Variants in USP30 observed in about 807,000 individuals in gnomAD.
USP30 encodes ubiquitin specific peptidase 30, also known as ubiquitin carboxyl-terminal hydrolase 30.
Under a neutral mutation model 68.2 loss-of-function variants are expected in USP30, and 41 were observed. That is an observed-to-expected ratio of 0.60 (90% confidence interval 0.47 to 0.78). The LOEUF is 0.78. Ranked by LOEUF, USP30 falls within the 30% of genes least tolerant of loss-of-function variation. The pLI, the probability that USP30 is intolerant of heterozygous loss-of-function variation, is 0.00. For synonymous variants in USP30, 229 were observed against 253.7 expected, an observed-to-expected ratio of 0.90 and a Z score of 0.93; for missense variants, 522 against 649.4, an observed-to-expected ratio of 0.80 and a Z score of 2.13.
intron 2 of USP30, among the ~76,000 whole-genome samples, chr12:109,026,580 C>G (rs1202786400): frequency 1.3e-5 from 2 of 151,888 alleles, no homozygotes; most frequent in Non-Finnish European, 2.9e-5. Context: ...CCACCTCAGC[C>G]TCCTGAGTAG....
rs778789772 is a variant in USP30, at chr12:109,081,396, A to G, written c.780+3A>G. On this transcript the variant is annotated splice_donor_region_variant and intron_variant, in intron 8 of 12. Coordinates refer to ENST00000257548, the MANE Select transcript of USP30 (RefSeq NM_032663.5). ...TAAGTATTCCAGCCGCCACATGGGTATGTACTGATTTATGGTTTATTTGGA... is the reference window on the plus strand; with the variant it reads ...TAAGTATTCCAGCCGCCACATGGGTGTGTACTGATTTATGGTTTATTTGGA... The G allele has an allele frequency of 3.1e-6, 5 of 1,613,920 alleles. No homozygotes were observed. Among genetic ancestry groups the G allele is most frequent in the Admixed American group, 3.3e-5 (2 of 59,972 alleles).
At position 109,059,671 on chromosome 12, in the gene USP30, G is replaced by A. The variant is rs536719463; in HGVS notation, c.376+1563G>A. ...TGGGATTACAGCTGCATGCCACCACGCCCGGCTAATGTTTGTATTTTTAGT... is the reference window on the plus strand; with the variant it reads ...TGGGATTACAGCTGCATGCCACCACACCCGGCTAATGTTTGTATTTTTAGT... On this transcript the variant is annotated intron_variant, in intron 3 of 12. Coordinates refer to ENST00000257548, the MANE Select transcript of USP30 (RefSeq NM_032663.5). Among the ~76,000 whole-genome samples, 11 of 152,016 alleles carry A rather than the reference G, an allele frequency of 7.2e-5. No homozygotes were observed. The East Asian group carries it at 7.7e-4, about 11-fold the overall frequency.
rs928220160 is a variant in USP30, at chr12:109,070,367, G to A, written c.481-1245G>A. On this transcript the variant is annotated intron_variant, in intron 4 of 12. Transcript: ENST00000257548. The surrounding 1 kb of genome is among the most constrained non-coding windows in gnomAD (Gnocchi z 4.0). ...GCAGCTTTGGATAATTGGTTGGGGA[G>A]TATGCCCTGTGGAGGAGCTCTTTTG... is the stretch of plus-strand genomic sequence containing the variant. 1.3e-5 allele frequency among the ~76,000 whole-genome samples: 2 copies of A among 152,176 alleles called. No homozygotes were observed. The highest frequency in any genetic ancestry group is 2.9e-5 in the Non-Finnish European group (2 of 68,032).
At chr12:109,043,975 T>C (rs758474046) in intron 3 of USP30, among the ~76,000 whole-genome samples, 12 of 152,138 alleles carry the variant, frequency 7.9e-5, no homozygotes, top group Non-Finnish European at 1.8e-4. Context: ...CCCGTGTCCA[T>C]CAACAAAAGA....
intron 11 of USP30, among the ~76,000 whole-genome samples, chr12:109,084,337 C>T (rs1229874828): frequency 6.6e-6 from 1 of 152,136 alleles, no homozygotes; most frequent in African/African-American, 2.4e-5. Flanking sequence ...TGTTGTCTAC[C>T]CATAAACATG....
Position 109,080,136 on chromosome 12 carries a change from A to T in USP30, c.721-1198A>T, listed in dbSNP as rs74346881. Among the ~76,000 whole-genome samples, 518 of 152,194 alleles carry T rather than the reference A, an allele frequency of 3.4e-3. 2 individuals are homozygous for T. Among genetic ancestry groups the T allele is most frequent in the African/African-American group, 0.012 (491 of 41,518 alleles). ...CCCCCTGTGCACGTGTGGTTCAGGGATCAGCCCTGGAATTGAACAGAGTTT... is the reference window on the plus strand; with the variant it reads ...CCCCCTGTGCACGTGTGGTTCAGGGTTCAGCCCTGGAATTGAACAGAGTTT... On this transcript the variant is annotated intron_variant, in intron 7 of 12. Transcript: ENST00000257548.
Position 109,082,924 on chromosome 12 carries a change from C to T in USP30, c.1030C>T (p.Gln344Ter), listed in dbSNP as rs2041845453. The T allele has an allele frequency of 1.2e-6, 2 of 1,614,262 alleles. No individual in the cohort carries two copies. Among genetic ancestry groups the T allele is most frequent in the Non-Finnish European group, 1.7e-6 (2 of 1,180,046 alleles). Residue 344 changes from glutamine to a stop codon, truncating the protein, a stop_gained, in exon 11 of 13, where the codon CAG (glutamine) becomes TAG (stop). Coordinates refer to ENST00000257548, the MANE Select transcript of USP30 (RefSeq NM_032663.5). LOFTEE classifies it high-confidence loss of function. ...GTPLKRHEHV[Q>*]FNEFLMMDIY... ...GCCTCTGAAGCGGCATGAGCACGTGCAGTTCAATGAGTTCCTGATGATGGA... is the reference window on the plus strand; with the variant it reads ...GCCTCTGAAGCGGCATGAGCACGTGTAGTTCAATGAGTTCCTGATGATGGA...
rs776243810 is a variant in USP30 at position 109,058,040 on chromosome 12, A to T, written c.308A>T (p.Tyr103Phe). 2.5e-6 allele frequency: 4 copies of T among 1,613,808 alleles called. No homozygotes were observed. The highest frequency in any genetic ancestry group is 2.5e-6 in the Non-Finnish European group (3 of 1,179,988). Reference sequence around the variant, plus strand: ...TGGCTGGAAGAGTTCACCTCCCAGTACTCCAGGGATCAGAAGGAGCCCCCC... The same window carrying T: ...TGGCTGGAAGAGTTCACCTCCCAGTTCTCCAGGGATCAGAAGGAGCCCCCC... Reference protein sequence around the residue: ...IRWLEEFTSQYSRDQKEPPSH... With the variant: ...IRWLEEFTSQFSRDQKEPPSH... The change falls in exon 3 of 13, where the codon TAC becomes TTC. Residue 103 changes from tyrosine to phenylalanine, a missense_variant. Tyr to Phe is a conservative substitution (Grantham distance 22, BLOSUM62 3). Coordinates refer to ENST00000257548, the MANE Select transcript of USP30 (RefSeq NM_032663.5).
chr12:109,031,408 G>T (rs1459352038), intron 3 of USP30, among the ~76,000 whole-genome samples: 1 of 152,192 alleles, frequency 6.6e-6, no homozygotes, highest in East Asian at 1.9e-4. Flanking sequence ...GCTGTATGAG[G>T]TATAGCACTT....
chr12:109,048,083 T>C (rs983371137), upstream of USP30, among the ~76,000 whole-genome samples: 11 of 151,110 alleles, frequency 7.3e-5, no homozygotes, highest in Admixed American at 3.3e-4. Flanking sequence ...GCCTACTTTT[T>C]TTTTTTTTTT....
chr12:109,072,671 A>G (rs1173967072), intron 6 of USP30, among the ~76,000 whole-genome samples: 1 of 152,210 alleles, frequency 6.6e-6, no homozygotes, highest in East Asian at 1.9e-4. Context: ...CAGTGCTGCC[A>G]AATTCTATTG....
intron 3 of USP30, among the ~76,000 whole-genome samples, chr12:109,066,552 C>G (rs746852377): frequency 3.3e-5 from 5 of 152,002 alleles, no homozygotes; most frequent in South Asian, 2.1e-4. Context: ...GGCATGGTAG[C>G]GCATGCCTTG....
chr12:109,052,992 TC>T, intron 1 of USP30: 1 of 390,756 alleles, frequency 2.6e-6, no homozygotes, highest in Non-Finnish European at 4.5e-6. Flanking sequence ...TGTCAGTCCC[TC>T]CCCCTCCTGT....
At chr12:109,049,687 T>C (rs1015084167), upstream of USP30, among the ~76,000 whole-genome samples, 2 of 152,030 alleles carry the variant, frequency 1.3e-5, no homozygotes, top group African/African-American at 4.8e-5. Context: ...TGGTGGCGCG[T>C]GCCTGTAATT....
intron 2 of USP30, among the ~76,000 whole-genome samples, chr12:109,026,322 C>T (rs1003748815): frequency 2.0e-5 from 3 of 152,038 alleles, no homozygotes; most frequent in Non-Finnish European, 2.9e-5. Flanking sequence ...GTGATCCACC[C>T]GCCTTGGCCT....
At chr12:109,085,641 C>T (rs1330976159) in intron 12 of USP30, 26 bp from the exon 13 acceptor site, 3 of 1,608,250 alleles carry the variant, frequency 1.9e-6, no homozygotes, top group South Asian at 2.2e-5. Flanking sequence ...AATTGTAAAC[C>T]CCTGACATGT....
chr12:109,038,217 A>T lies in USP30; in HGVS notation c.-135-9373A>T, dbSNP rs905700814. Among the ~76,000 whole-genome samples the T allele has an allele frequency of 1.2e-3, 91 of 78,710 alleles. No individual in the cohort carries two copies. In the Middle Eastern group the frequency reaches 0.042, roughly 36 times the overall value. 51.6% of individuals were successfully genotyped at this position (78,710 alleles called of 152,430 possible). On this transcript the variant is annotated intron_variant, in intron 3 of 15. Transcript: ENST00000392784. ...TATGTTGGTTCCCGCCCCCCTCCCC[A>T]CCTGCCAGTTTCCATGTGTTCTCAC...
chr12:109,064,875 G>C (rs907119151), intron 3 of USP30, among the ~76,000 whole-genome samples: 1 of 151,728 alleles, frequency 6.6e-6, no homozygotes, highest in South Asian at 2.1e-4. Context: ...GGTAGTTGGT[G>C]GGGGGAGCTA....
chr12:109,085,533 T>C (rs2041921718), intron 12 of USP30, 134 bp from the exon 13 acceptor site: 2 of 1,046,964 alleles, frequency 1.9e-6, no homozygotes, highest in Non-Finnish European at 2.8e-6. Flanking sequence ...TGTATTTTAA[T>C]AGTTGTGTAG....
Sources: allele counts gnomAD v4.1 joint callset (sites outside exome capture counted in the v4.1 genomes callset), GRCh38; gene constraint gnomAD v4.1.1; non-coding constraint Gnocchi (gnomAD v3.1); transcripts MANE v1.5; gene names NCBI Gene and HGNC (gene_info 2026-07-23, HGNC 2026-07-21).